The following TXK variants were observed in gnomAD, a reference collection of about 807,000 sequenced individuals.
TXK encodes TXK tyrosine kinase.
TXK carries 60 observed loss-of-function variants against 81.0 expected under a neutral mutation model. The observed-to-expected ratio is 0.74, with a 90% CI of 0.60 to 0.92. The LOEUF is 0.92. Among genes scored for constraint, TXK ranks in the 40% least tolerant of loss-of-function variants. The probability of loss-of-function intolerance (pLI) is 0.00; values close to 1 mark genes in which losing one functional copy is unlikely to be tolerated. For synonymous variants in TXK, 203 were observed against 210.7 expected, an observed-to-expected ratio of 0.96 and a Z score of 0.32; for missense variants, 581 against 638.3, an observed-to-expected ratio of 0.91 and a Z score of 0.97.
intron 10 of TXK, among the ~76,000 whole-genome samples, chr4:48,082,888 C>A (rs1222293210): frequency 1.3e-5 from 2 of 152,152 alleles, no homozygotes; most frequent in African/African-American, 2.4e-5. Flanking sequence ...AGGGGAAGAT[C>A]ATCTTCCTAC....
At chr4:48,127,795 G>A (rs73244486) in intron 1 of TXK, among the ~76,000 whole-genome samples, 3,758 of 152,308 alleles carry the variant, frequency 0.025, 79 homozygotes, top group Non-Finnish European at 0.039. Flanking sequence ...TCTGTCATGG[G>A]ATAGGCAGTT....
chr4:48,072,306 C>T (rs1716895666), intron 13 of TXK, among the ~76,000 whole-genome samples: 1 of 152,120 alleles, frequency 6.6e-6, no homozygotes, highest in Non-Finnish European at 1.5e-5. Flanking sequence ...CCCGGCCTAG[C>T]ATTTTCATTT....
At chr4:48,098,100 C>T (rs1409142738) in intron 6 of TXK, among the ~76,000 whole-genome samples, 1 of 151,906 alleles carries the variant, frequency 6.6e-6, no homozygotes, top group African/African-American at 2.4e-5. Context: ...TGTACCGAAC[C>T]TTAAAGAAAA....
At chr4:48,069,903 C>T (rs1481692555) in intron 14 of TXK, among the ~76,000 whole-genome samples, 1 of 152,206 alleles carries the variant, frequency 6.6e-6, no homozygotes, top group East Asian at 1.9e-4. Context: ...CTGCTTATTA[C>T]TACTCACTGA....
At chr4:48,106,741 G>A (rs902161944) in intron 5 of TXK, among the ~76,000 whole-genome samples, 1 of 152,106 alleles carries the variant, frequency 6.6e-6, no homozygotes, top group South Asian at 2.1e-4. Context: ...TACAGATAAT[G>A]AGATAAATGA....
chr4:48,113,605 T>C (rs1048787795), intron 2 of TXK, among the ~76,000 whole-genome samples: 1 of 152,234 alleles, frequency 6.6e-6, no homozygotes, highest in South Asian at 2.1e-4. Context: ...GTTATAATCA[T>C]TGTAATGAAA....
intron 4 of TXK, among the ~76,000 whole-genome samples, chr4:48,111,601 A>G (rs1041682704): frequency 4.6e-5 from 7 of 152,236 alleles, no homozygotes; most frequent in Admixed American, 3.3e-4. Flanking sequence ...TCTCCACCAC[A>G]TGTTGAGAAC....
At chr4:48,087,795 A>C (rs1717594079) in intron 9 of TXK, among the ~76,000 whole-genome samples, 1 of 152,150 alleles carries the variant, frequency 6.6e-6, no homozygotes. Flanking sequence ...AATTGGCATA[A>C]ATTTATTCAA....
At chr4:48,119,601 T>C (rs1339633188) in intron 1 of TXK, among the ~76,000 whole-genome samples, 1 of 152,162 alleles carries the variant, frequency 6.6e-6, no homozygotes, top group Non-Finnish European at 1.5e-5. Context: ...TCATTTTCCA[T>C]GGCCCACCCA....
intron 1 of TXK, among the ~76,000 whole-genome samples, chr4:48,125,128 CAG>C (rs1172871749): frequency 2.0e-5 from 3 of 152,202 alleles, no homozygotes; most frequent in African/African-American, 7.2e-5. Flanking sequence ...CATAAAGAAA[CAG>C]AGGAACAGAG....
At chr4:48,085,969 C>T (rs528226988) in intron 10 of TXK, among the ~76,000 whole-genome samples, 31 of 152,310 alleles carry the variant, frequency 2.0e-4, no homozygotes, top group Non-Finnish European at 1.6e-4. Flanking sequence ...GGCTGTCACC[C>T]TGACTTTCCA....
At chr4:48,103,363 T>C (rs1474053973) in intron 6 of TXK, among the ~76,000 whole-genome samples, 2 of 152,198 alleles carry the variant, frequency 1.3e-5, no homozygotes, top group East Asian at 3.9e-4. Flanking sequence ...GCTGTGACCA[T>C]ACCAGGAAAA....
intron 11 of TXK, 79 bp downstream of exon 11, chr4:48,079,833 A>G: frequency 1.1e-6 from 1 of 948,628 alleles, no homozygotes; most frequent in East Asian, 2.4e-5. Flanking sequence ...ACATTATTCA[A>G]AGTATTGAAA....
chr4:48,084,597 C>T (rs755357230), intron 10 of TXK, among the ~76,000 whole-genome samples: 17 of 152,224 alleles, frequency 1.1e-4, no homozygotes, highest in South Asian at 6.2e-4. Context: ...AGAAAAACCA[C>T]GGTAGGATGC....
At chr4:48,075,953 A>G (rs1717053261) in intron 12 of TXK, among the ~76,000 whole-genome samples, 1 of 152,192 alleles carries the variant, frequency 6.6e-6, no homozygotes, top group African/African-American at 2.4e-5. Flanking sequence ...GAGTTGTAGA[A>G]AAATATGGTT....
intron 6 of TXK, among the ~76,000 whole-genome samples, chr4:48,097,469 AGT>A (rs1352022324): frequency 7.1e-6 from 1 of 141,250 alleles, no homozygotes; most frequent in Non-Finnish European, 1.5e-5. Context: ...GCCAGGCTGG[AGT>A]GCGGTGGCGC....
intron 6 of TXK, among the ~76,000 whole-genome samples, chr4:48,103,564 T>A (rs1019609107): frequency 2.6e-5 from 4 of 152,222 alleles, no homozygotes; most frequent in African/African-American, 9.6e-5. Context: ...TTATTTCTCA[T>A]TCGCATTTCT....
chr4:48,110,362 A>C, intron 5 of TXK, among the ~76,000 whole-genome samples, 176 bp downstream of exon 5: 1 of 152,202 alleles, frequency 6.6e-6, no homozygotes. Flanking sequence ...AACAAAAATA[A>C]GTATAAGGAA....
At chr4:48,086,665 A>C in intron 9 of TXK, 28 bp from the exon 10 acceptor site, 1 of 1,601,308 alleles carries the variant, frequency 6.2e-7, no homozygotes, top group Non-Finnish European at 8.5e-7. Flanking sequence ...CCATGTTACA[A>C]GTAGAAAGAA....
Sources: gnomAD v4.1 joint callset for allele counts (sites outside exome capture counted in the v4.1 genomes callset) on GRCh38, gnomAD v4.1.1 for gene constraint, MANE v1.5 for transcripts, NCBI Gene and HGNC (gene_info 2026-07-23, HGNC 2026-07-21) for gene names.